The following FTCDNL1 variants were observed in gnomAD, a reference collection of about 807,000 sequenced individuals.
The protein encoded by FTCDNL1 is formiminotransferase cyclodeaminase N-terminal like.
In FTCDNL1, 11 loss-of-function variants were observed where a neutral mutation model predicts 5.9. The observed-to-expected ratio is 1.87, with a 90% CI of 1.18 to 3.10. The LOEUF is 3.10. Ranked by LOEUF, FTCDNL1 falls within the 30% of genes most tolerant of loss-of-function variation. The pLI, the probability that FTCDNL1 is intolerant of heterozygous loss-of-function variation, is 0.00. For synonymous variants in FTCDNL1, 58 were observed against 24.8 expected, an observed-to-expected ratio of 2.34 and a Z score of -3.99; for missense variants, 115 against 65.5, an observed-to-expected ratio of 1.76 and a Z score of -2.61.
At chr2:199,765,551 TATATA>T (rs1453608883) in intron 3 of FTCDNL1, among the ~76,000 whole-genome samples, 26 of 93,654 alleles carry the variant, frequency 2.8e-4, no homozygotes, top group African/African-American at 7.2e-4. Context: ...TATATATATA[TATATA>T]TTTTTTTTTT....
intron 3 of FTCDNL1, among the ~76,000 whole-genome samples, chr2:199,765,861 C>T (rs1178196747): frequency 6.6e-6 from 1 of 151,792 alleles, no homozygotes; most frequent in Non-Finnish European, 1.5e-5. Flanking sequence ...TTTTTGACTC[C>T]AGCCCACCTG....
chr2:199,795,530 C>A (rs1346265795), intron 3 of FTCDNL1, among the ~76,000 whole-genome samples: 2 of 152,352 alleles, frequency 1.3e-5, no homozygotes, highest in East Asian at 3.9e-4. Flanking sequence ...CTGCCTGTCT[C>A]CTGCCACTAG....
At chr2:199,693,571 G>C in the FTCDNL1 span, among the ~76,000 whole-genome samples, 1 of 152,108 alleles carries the variant, frequency 6.6e-6, no homozygotes, top group Non-Finnish European at 1.5e-5. Context: ...TGTCTACACG[G>C]ATAATTATAG....
intron 3 of FTCDNL1, among the ~76,000 whole-genome samples, chr2:199,761,955 G>A (rs11687699): frequency 0.51 from 77,950 of 152,034 alleles, 23,353 homozygotes; most frequent in Non-Finnish European, 0.66. Context: ...TTTAATGCAG[G>A]GGTGTCCAAT....
chr2:199,739,656 CA>C, the FTCDNL1 span, among the ~76,000 whole-genome samples: 1 of 152,118 alleles, frequency 6.6e-6, no homozygotes, highest in Non-Finnish European at 1.5e-5. Context: ...CAAACCAAAA[CA>C]AAAAACCCAG....
At chr2:199,817,920 C>A (rs529203963) in intron 4 of FTCDNL1, among the ~76,000 whole-genome samples, 2 of 152,252 alleles carry the variant, frequency 1.3e-5, no homozygotes, top group South Asian at 4.2e-4. Flanking sequence ...AACTACATAT[C>A]AAGTTTGTTC....
At chr2:199,834,149 A>T (rs1361092047) in intron 3 of FTCDNL1, among the ~76,000 whole-genome samples, 1 of 152,122 alleles carries the variant, frequency 6.6e-6, no homozygotes, top group African/African-American at 2.4e-5. Flanking sequence ...GGTCCTCATA[A>T]AAAGGGGAAA....
downstream of FTCDNL1, among the ~76,000 whole-genome samples, chr2:199,805,564 C>G (rs1700680214): frequency 6.6e-6 from 1 of 151,972 alleles, no homozygotes; most frequent in African/African-American, 2.4e-5. Flanking sequence ...CATGGTGAAA[C>G]CCGTCTCTAC....
At chr2:199,750,791 T>C in the FTCDNL1 span, among the ~76,000 whole-genome samples, 5 of 152,256 alleles carry the variant, frequency 3.3e-5, no homozygotes, top group Non-Finnish European at 7.3e-5. Flanking sequence ...CTACCTTACT[T>C]GTCTGTTGAT....
At position 199,812,719 on chromosome 2, in the gene FTCDNL1, A is replaced by G. The variant is rs1035950974; in HGVS notation, c.403T>C (p.Phe135Leu). 7.2e-6 allele frequency: 5 copies of G among 699,010 alleles called. No homozygotes were observed. The highest frequency in any genetic ancestry group is 7.0e-5 in the African/African-American group (4 of 57,102). 43.3% of individuals were successfully genotyped at this position (699,010 alleles called of 1,614,324 possible). The change falls in exon 5 of 5, where the codon TTC becomes CTC. Residue 135 changes from phenylalanine to leucine, a missense_variant. Physicochemically the swap from Phe to Leu is conservative, Grantham distance 22 (BLOSUM62 0). Transcript: ENST00000420128. ...PSQRCGLTAC[F>L]RAL ...CAACACAACTGTCACAACGCCCTGA[A>G]GCAAGCTAAAAACAAGGAAAAAAAT...
the FTCDNL1 span, among the ~76,000 whole-genome samples, chr2:199,715,193 CTTTG>C: frequency 0.031 from 4,667 of 152,192 alleles, 230 homozygotes; most frequent in African/African-American, 0.11. Context: ...TACATTTCTA[CTTTG>C]TTTGAGCCAC....
At chr2:199,844,629 G>A in intron 3 of FTCDNL1, 1 of 418,940 alleles carries the variant, frequency 2.4e-6, no homozygotes, top group East Asian at 3.5e-5. Context: ...TTTTTCTTCT[G>A]TAATCTGTGT....
At chr2:199,762,570 A>T (rs946908126) in intron 3 of FTCDNL1, among the ~76,000 whole-genome samples, 9 of 152,132 alleles carry the variant, frequency 5.9e-5, no homozygotes, top group African/African-American at 2.2e-4. Context: ...CAGAACTTAG[A>T]TAGTGTTGGC....
At chr2:199,756,382 C>T (rs1244699976), downstream of FTCDNL1, among the ~76,000 whole-genome samples, 4 of 151,466 alleles carry the variant, frequency 2.6e-5, no homozygotes, top group East Asian at 1.9e-4. Flanking sequence ...AGCCTGGCAT[C>T]CTCCTCTCTG....
chr2:199,710,434 G>C, the FTCDNL1 span, among the ~76,000 whole-genome samples: 22 of 152,224 alleles, frequency 1.4e-4, no homozygotes, highest in African/African-American at 5.3e-4. Context: ...ACAAGGTAAT[G>C]TGTCAACTGG....
chr2:199,785,231 C>G (rs954300824), intron 3 of FTCDNL1, among the ~76,000 whole-genome samples: 95 of 113,720 alleles, frequency 8.4e-4, no homozygotes, highest in Non-Finnish European at 2.9e-4. Flanking sequence ...GTCAGGGTCT[C>G]TAAACTCTTC....
chr2:199,675,111 G>A, the FTCDNL1 span, among the ~76,000 whole-genome samples: 1 of 152,236 alleles, frequency 6.6e-6, no homozygotes, highest in Middle Eastern at 3.4e-3. Flanking sequence ...GACATTTCGT[G>A]CTTTCTCAAT....
the FTCDNL1 span, among the ~76,000 whole-genome samples, chr2:199,683,060 C>T: frequency 6.6e-6 from 1 of 152,162 alleles, no homozygotes; most frequent in African/African-American, 2.4e-5. Context: ...AAGTCCCTTT[C>T]TTCTCTTTCC....
the FTCDNL1 span, among the ~76,000 whole-genome samples, chr2:199,681,409 T>C: frequency 6.6e-6 from 1 of 151,780 alleles, no homozygotes; most frequent in Non-Finnish European, 1.5e-5. Context: ...TGAGCCAAGA[T>C]TGCGCCATTG....
Sources: allele counts gnomAD v4.1 joint callset (sites outside exome capture counted in the v4.1 genomes callset), GRCh38; gene constraint gnomAD v4.1.1; transcripts MANE v1.5; gene names NCBI Gene and HGNC (gene_info 2026-07-23, HGNC 2026-07-21).